AKAP13: variants seen among roughly 807,000 people sequenced by gnomAD.
AKAP13 encodes the protein A-kinase anchoring protein 13, also known as A-kinase anchor protein 13.
AKAP13 carries 80 observed loss-of-function variants against 264.5 expected under a neutral mutation model. The observed-to-expected ratio is 0.30, with a 90% CI of 0.25 to 0.36. The LOEUF (loss-of-function observed/expected upper bound fraction) is 0.36, where lower values mean the gene tolerates loss of function less well. Ranked by LOEUF, AKAP13 falls within the 10% of genes least tolerant of loss-of-function variation. The pLI is 1.00. For missense variants in AKAP13, 3,712 were observed against 3,435.2 expected, an observed-to-expected ratio of 1.08 and a Z score of -2.01; for synonymous variants, 1,380 against 1,250.2, an observed-to-expected ratio of 1.10 and a Z score of -2.19.
chr15:85,451,086 T>G (rs78008268), intron 1 of AKAP13, among the ~76,000 whole-genome samples: 1 of 152,158 alleles, frequency 6.6e-6, no homozygotes, highest in Non-Finnish European at 1.5e-5. Context: ...CTTGTTGAAT[T>G]GAACCCTTTA....
chr15:85,647,796 C>T (rs188091579), intron 10 of AKAP13, among the ~76,000 whole-genome samples: 2,462 of 152,140 alleles, frequency 0.016, 66 homozygotes, highest in African/African-American at 0.056. Flanking sequence ...ATAGTGGTGG[C>T]GGGCACCTGT....
chr15:85,744,842 A>G lies in AKAP13; in HGVS notation c.*165A>G. 1 of 577,026 alleles carries G rather than the reference A, an allele frequency of 1.7e-6. No homozygotes were observed. The highest frequency in any genetic ancestry group is 2.4e-5 in the South Asian group (1 of 42,256). 35.7% of individuals were successfully genotyped at this position (577,026 alleles called of 1,614,324 possible). On this transcript the variant is annotated 3_prime_UTR_variant, in exon 37 of 37. Coordinates refer to ENST00000394518, the MANE Select transcript of AKAP13 (RefSeq NM_007200.5). ...GGACAATAAGCAACAGATGATATTG[A>G]GTGTCGGGTGGGGAAGGAGGCCCAG...
intron 17 of AKAP13, among the ~76,000 whole-genome samples, chr15:85,699,904 A>G (rs2085810260): frequency 6.6e-6 from 1 of 152,226 alleles, no homozygotes; most frequent in African/African-American, 2.4e-5. Context: ...GTTGAAAGTT[A>G]TAGACAGTCT....
intron 9 of AKAP13, among the ~76,000 whole-genome samples, chr15:85,641,385 G>T (rs889030340): frequency 6.6e-6 from 1 of 150,668 alleles, no homozygotes; most frequent in Non-Finnish European, 1.5e-5. Context: ...GGCGGAGGTT[G>T]CAGTGAGCCA....
chr15:85,708,723 C>T lies in AKAP13; in HGVS notation c.5532+637C>T, dbSNP rs1376728537. On this transcript the variant is annotated intron_variant, in intron 18 of 36. Coordinates refer to ENST00000394518, the MANE Select transcript of AKAP13 (RefSeq NM_007200.5). The surrounding 1 kb of genome is among the most constrained non-coding windows in gnomAD (Gnocchi z 4.3). ...CCTGTGAGGTTTTCAATGTTCTAGT[C>T]GCCTGTAAGTGTCTCTTCATTCCTT... is the stretch of plus-strand genomic sequence containing the variant. Among the ~76,000 whole-genome samples the T allele has an allele frequency of 2.0e-5, 3 of 151,912 alleles. No individual in the cohort carries two copies. Among genetic ancestry groups the T allele is most frequent in the African/African-American group, 7.2e-5 (3 of 41,420 alleles).
rs542704379 is a variant in AKAP13, at chr15:85,419,648, TAG to T, written c.-12+38856_-12+38857del. Among the ~76,000 whole-genome samples, 181 of 152,282 alleles carry T rather than the reference TAG, an allele frequency of 1.2e-3. 1 individual carries two copies. The highest frequency in any genetic ancestry group is 4.2e-3 in the African/African-American group (175 of 41,560). ...TTTGTTGGGGGATGGAGAGGGAATG[TAG>T]AGAGATGGTTAACCAGTATTTATGT... On this transcript the variant is annotated intron_variant, in intron 1 of 36. Coordinates refer to ENST00000394518, the MANE Select transcript of AKAP13 (RefSeq NM_007200.5).
chr15:85,739,004 G>T (rs1421966888), intron 33 of AKAP13, among the ~76,000 whole-genome samples: 4 of 152,020 alleles, frequency 2.6e-5, no homozygotes, highest in South Asian at 2.1e-4. Flanking sequence ...CTCTTAATAT[G>T]CATTAAAAAC....
intron 30 of AKAP13, among the ~76,000 whole-genome samples, chr15:85,733,536 T>C (rs998325201): frequency 1.0e-3 from 152 of 152,334 alleles, no homozygotes; most frequent in African/African-American, 3.6e-3. Flanking sequence ...TGAATTATAA[T>C]TTGTACTATT....
intron 8 of AKAP13, among the ~76,000 whole-genome samples, chr15:85,617,590 A>G (rs2080998601): frequency 6.6e-6 from 1 of 152,208 alleles, no homozygotes; most frequent in Admixed American, 6.5e-5. Flanking sequence ...CTAGAGAGAC[A>G]GATGCCTGGG....
At chr15:85,443,665 G>A (rs187659820) in intron 1 of AKAP13, among the ~76,000 whole-genome samples, 36 of 152,036 alleles carry the variant, frequency 2.4e-4, no homozygotes, top group Non-Finnish European at 4.1e-4. Context: ...ACCGACTGCT[G>A]TCTTATATGC....
intron 2 of AKAP13, among the ~76,000 whole-genome samples, chr15:85,493,498 G>A (rs1384535291): frequency 6.6e-6 from 1 of 152,132 alleles, no homozygotes; most frequent in Non-Finnish European, 1.5e-5. Flanking sequence ...CTTTGAAACT[G>A]TAAGGAAATC....
At chr15:85,508,715 GA>G (rs558689526) in intron 2 of AKAP13, among the ~76,000 whole-genome samples, 5 of 151,088 alleles carry the variant, frequency 3.3e-5, no homozygotes, top group East Asian at 3.9e-4. Context: ...AAAAGAAAAA[GA>G]AAAAAAAATC....
chr15:85,629,738 A>G (rs1426548592), intron 8 of AKAP13, among the ~76,000 whole-genome samples: 7 of 143,652 alleles, frequency 4.9e-5, no homozygotes, highest in African/African-American at 1.8e-4. Flanking sequence ...TCATGAATCT[A>G]GAAATATAAT....
At chr15:85,583,240 A>G (rs1194008682) in intron 7 of AKAP13, 4 of 920,352 alleles carry the variant, frequency 4.3e-6, no homozygotes, top group South Asian at 5.0e-5. Context: ...CTTTACACAT[A>G]TGTATTAAGA....
At chr15:85,671,728 A>G (rs1238777150) in intron 14 of AKAP13, among the ~76,000 whole-genome samples, 2 of 151,978 alleles carry the variant, frequency 1.3e-5, no homozygotes, top group Non-Finnish European at 2.9e-5. Flanking sequence ...TGAATTTGAT[A>G]AGCCAGAATG....
intron 1 of AKAP13, among the ~76,000 whole-genome samples, chr15:85,421,289 G>A (rs918047849): frequency 3.3e-5 from 5 of 152,208 alleles, no homozygotes; most frequent in Non-Finnish European, 5.9e-5. Context: ...ATAGATGGAA[G>A]CTTATCTGCA....
chr15:85,494,358 G>T (rs2075815536), intron 2 of AKAP13, among the ~76,000 whole-genome samples: 1 of 152,214 alleles, frequency 6.6e-6, no homozygotes, highest in African/African-American at 2.4e-5. Context: ...TGCCCCTTAT[G>T]TCAGGCCCCA....
Position 85,592,448 on chromosome 15 carries a change from T to C in AKAP13, c.4161+6625T>C, listed in dbSNP as rs193278239. On this transcript the variant is annotated intron_variant, in intron 8 of 36. Coordinates refer to ENST00000394518, the MANE Select transcript of AKAP13 (RefSeq NM_007200.5). ...ATGGCTTGTACGTCCCACCCTGTTATTTAATAGTTGTCAGTTTTTAAAAAG... is the reference window on the plus strand; with the variant it reads ...ATGGCTTGTACGTCCCACCCTGTTACTTAATAGTTGTCAGTTTTTAAAAAG... Among the ~76,000 whole-genome samples, 479 of 152,348 alleles carry C rather than the reference T, an allele frequency of 3.1e-3. 13 individuals are homozygous for C. Among genetic ancestry groups the C allele is most frequent in the Admixed American group, 0.026 (403 of 15,310 alleles).
rs374529594 is a variant in AKAP13 at position 85,401,771 on chromosome 15, G to C, written c.-12+20973G>C. 5.3e-5 allele frequency among the ~76,000 whole-genome samples: 8 copies of C among 152,178 alleles called. No homozygotes were observed. In the East Asian group the frequency reaches 1.2e-3, roughly 22 times the overall value. On this transcript the variant is annotated intron_variant, in intron 1 of 36. Coordinates refer to ENST00000394518, the MANE Select transcript of AKAP13 (RefSeq NM_007200.5). The stretch of plus-strand genomic sequence containing the variant: ...GGATCTGGGATAAACAATTAGCTTG[G>C]TAAATCAGTGGTAGGAATTAAATGT...
Sources: allele counts gnomAD v4.1 joint callset (sites outside exome capture counted in the v4.1 genomes callset), GRCh38; gene constraint gnomAD v4.1.1; non-coding constraint Gnocchi (gnomAD v3.1); transcripts MANE v1.5; gene names NCBI Gene and HGNC (gene_info 2026-07-23, HGNC 2026-07-21).